STRIP2: variants seen among roughly 807,000 people sequenced by gnomAD.
The protein encoded by STRIP2 is striatin interacting protein 2, also known as striatin-interacting protein 2.
STRIP2 carries 84 observed loss-of-function variants against 107.1 expected under a neutral mutation model. The ratio of observed to expected loss-of-function variants is 0.78; its 90% CI spans 0.66 to 0.94. STRIP2 has a LOEUF of 0.94. STRIP2 is among the 40% of genes least tolerant of loss of function. The pLI is 0.00. For missense variants in STRIP2, 888 were observed against 1,034.2 expected (o/e 0.86, Z 1.94); for synonymous variants, 394 against 400.4 (o/e 0.98, Z 0.19).
chr7:129,456,018 T>C (rs944324190), intron 8 of STRIP2, among the ~76,000 whole-genome samples: 16 of 152,160 alleles, frequency 1.1e-4, no homozygotes, highest in African/African-American at 3.9e-4. Flanking sequence ...GATCCTTCAT[T>C]TTTGGCTCCC....
rs536886771 is a variant in STRIP2, at chr7:129,470,305, A to C, written c.1878-344A>C. ...TTGGGCAGTGTCTGTGGGAGCAGTT[A>C]TATTCACACATACAGTTAAATGCAG... On this transcript the variant is annotated intron_variant, in intron 17 of 20. Transcript: ENST00000249344. 2.2e-3 allele frequency among the ~76,000 whole-genome samples: 328 copies of C among 152,344 alleles called. 2 individuals are homozygous for C. The highest frequency in any genetic ancestry group is 4.0e-3 in the Non-Finnish European group (271 of 68,012).
intron 18 of STRIP2, among the ~76,000 whole-genome samples, chr7:129,476,385 C>T (rs1219648751): frequency 0.014 from 1,803 of 132,414 alleles, 6 homozygotes; most frequent in Non-Finnish European, 0.022. Flanking sequence ...TCAGACGGGG[C>T]GGCTGCCGGG....
chr7:129,449,810 A>G (rs769450521), intron 3 of STRIP2, among the ~76,000 whole-genome samples: 2 of 152,166 alleles, frequency 1.3e-5, no homozygotes, highest in African/African-American at 2.4e-5. Flanking sequence ...TCTGCAGGAG[A>G]TAAGACTCTC....
At chr7:129,456,404 CCTCT>C in intron 8 of STRIP2, 31 bp from the exon 9 acceptor site, 1 of 1,594,518 alleles carries the variant, frequency 6.3e-7, no homozygotes, top group Non-Finnish European at 8.6e-7. Context: ...TCCCTTCCTT[CCTCT>C]CTCTCTGCCC....
rs1388293213 is a variant in STRIP2, at chr7:129,482,984, C to T, written c.2192C>T (p.Thr731Ile). The change falls in exon 20 of 21, where the codon ACC becomes ATC. Residue 731 changes from threonine to isoleucine, a missense_variant. Transcript: ENST00000249344. ...GRQWRKSNMK[T>I]MSAIYQKVRH... ...CAATGGAGGAAAAGCAACATGAAAA[C>T]CATGTCAGCCATTTACCAGAAAGTG... 1 of 1,614,200 alleles carries T rather than the reference C, an allele frequency of 6.2e-7. No homozygotes were observed. Among genetic ancestry groups the T allele is most frequent in the Non-Finnish European group, 8.5e-7 (1 of 1,180,038 alleles).
At position 129,462,950 on chromosome 7, in the gene STRIP2, G is replaced by GT; in HGVS notation, c.1477-15dup. 1 of 1,612,320 alleles carries GT rather than the reference G, an allele frequency of 6.2e-7. No homozygotes were observed. Among genetic ancestry groups the GT allele is most frequent in the Non-Finnish European group, 8.5e-7 (1 of 1,178,732 alleles). ...CTGGAAAGTGGCATTGCCAAACCAT[G>GT]TATTTCTTGCCATAGGGGGAAGAGG... is the stretch of plus-strand genomic sequence containing the variant. On this transcript the variant is annotated splice_polypyrimidine_tract_variant and intron_variant, in intron 13 of 20. Coordinates refer to ENST00000249344, the MANE Select transcript of STRIP2 (RefSeq NM_020704.3).
In STRIP2 at chr7:129,459,561, G is replaced by A. The variant is rs765576478; in HGVS notation, c.1385G>A (p.Ser462Asn). 1 of 1,614,066 alleles carries A rather than the reference G, an allele frequency of 6.2e-7. No homozygotes were observed. The change falls in exon 12 of 21, where the codon AGT (serine) becomes AAT (asparagine). Residue 462 changes from serine (S) to asparagine (N), a missense_variant. Physicochemically the swap from Ser to Asn is conservative, Grantham distance 46. Transcript: ENST00000249344. The part of the protein sequence containing the change: ...LVGLPRPIHE[S>N]VKTLKQHKYI... The stretch of plus-strand genomic sequence containing the variant: ...GGATTACCCAGGCCCATCCATGAGA[G>A]TGTGAAGACCCTAAAGCAGGTGACT...
chr7:129,456,563 C>A lies in STRIP2; in HGVS notation c.959C>A (p.Pro320His). 6.2e-7 allele frequency: 1 copy of A among 1,614,124 alleles called. No homozygotes were observed. Among genetic ancestry groups the A allele is most frequent in the Non-Finnish European group, 8.5e-7 (1 of 1,180,022 alleles). ...VVKSMRAASP[P>H]SYTLDLGESQ... ...AAGAGCATGCGTGCTGCCTCCCCGC[C>A]CTCTTACACTCTTGACCTGGGAGAG... The change falls in exon 9 of 21, where the codon CCC becomes CAC. Residue 320 changes from proline to histidine, a missense_variant. Physicochemically the swap from Pro to His is moderately conservative, Grantham distance 77 (BLOSUM62 -2). Coordinates refer to ENST00000249344, the MANE Select transcript of STRIP2 (RefSeq NM_020704.3).
intron 20 of STRIP2, among the ~76,000 whole-genome samples, chr7:129,485,044 AG>A (rs1275755267): frequency 2.0e-5 from 3 of 152,206 alleles, no homozygotes; most frequent in Non-Finnish European, 4.4e-5. Flanking sequence ...AGGAGATTCC[AG>A]GGAATCAGGA....
intron 17 of STRIP2, among the ~76,000 whole-genome samples, chr7:129,467,899 G>A (rs1158961956): frequency 6.6e-6 from 1 of 152,050 alleles, no homozygotes; most frequent in African/African-American, 2.4e-5. Context: ...ACATCAATTT[G>A]TAGTTTAAAA....
At chr7:129,460,236 T>C (rs1798492860) in intron 12 of STRIP2, 65 bp from the exon 13 acceptor site, 3 of 1,431,272 alleles carry the variant, frequency 2.1e-6, no homozygotes, top group South Asian at 2.6e-5. Flanking sequence ...GGAATTTAAG[T>C]AAGAGACTGG....
At chr7:129,476,303 G>C (rs1292548831) in intron 18 of STRIP2, among the ~76,000 whole-genome samples, 3 of 150,762 alleles carry the variant, frequency 2.0e-5, no homozygotes, top group Non-Finnish European at 4.5e-5. Flanking sequence ...TCCCAGATGC[G>C]GCGGCTGCCG....
intron 2 of STRIP2, among the ~76,000 whole-genome samples, chr7:129,441,625 C>A (rs712694): frequency 1 from 152,016 of 152,316 alleles, 75,859 homozygotes; most frequent in Middle Eastern, 1. Context: ...GAGTGGCACA[C>A]TCTCAGCTCA....
chr7:129,458,538 G>A lies in STRIP2; in HGVS notation c.1274+88G>A, dbSNP rs1248567885. 3.8e-6 allele frequency: 5 copies of A among 1,305,824 alleles called. No homozygotes were observed. The East Asian group carries it at 7.6e-5, about 20-fold the overall frequency. The allele number at this position is 1,305,824 out of a possible 1,614,324, so 80.9% of individuals were successfully genotyped here. A position where few individuals can be genotyped will look rare whatever the true frequency, so the allele number is the denominator to read the frequency against. ...GGGGTAGTCTATGTATTCAAGGCTC[G>A]TTAAGTTGGTCTGGCAGTCAGAACT... On this transcript the variant is annotated intron_variant, in intron 10 of 20. Transcript: ENST00000249344. The surrounding 1 kb of genome is among the most constrained non-coding windows in gnomAD (Gnocchi z 4.6).
In STRIP2 at chr7:129,454,649, C is replaced by T. The variant is rs954430206; in HGVS notation, c.706+122C>T. ...TTGTTTTCTTTTTTAAAATTAATGT[C>T]CTTTCTTTTAGGACACAGATACTGC... is the stretch of plus-strand genomic sequence containing the variant. On this transcript the variant is annotated intron_variant, in intron 7 of 20. Coordinates refer to ENST00000249344, the MANE Select transcript of STRIP2 (RefSeq NM_020704.3). The T allele has an allele frequency of 1.8e-5, 12 of 674,454 alleles. No homozygotes were observed. In the African/African-American group the frequency reaches 1.8e-4, roughly 10 times the overall value. 41.8% of individuals were successfully genotyped at this position (674,454 alleles called of 1,614,324 possible).
At chr7:129,451,081 C>T (rs953162993) in intron 3 of STRIP2, among the ~76,000 whole-genome samples, 4 of 150,360 alleles carry the variant, frequency 2.7e-5, no homozygotes, top group African/African-American at 9.7e-5. Context: ...GGACTACAGG[C>T]GCCCGCCACT....
At chr7:129,485,522 A>C in intron 20 of STRIP2, 57 bp from the exon 21 acceptor site, 1 of 1,581,244 alleles carries the variant, frequency 6.3e-7, no homozygotes, top group Non-Finnish European at 8.7e-7. Flanking sequence ...ATGCTCTGTG[A>C]TAAGAGGAGC....
At chr7:129,449,132 A>C (rs1383964344) in intron 3 of STRIP2, among the ~76,000 whole-genome samples, 1 of 152,224 alleles carries the variant, frequency 6.6e-6, no homozygotes, top group Non-Finnish European at 1.5e-5. Flanking sequence ...CCCAAGCTGC[A>C]ACATTGAACG....
At position 129,484,036 on chromosome 7, in the gene STRIP2, G is replaced by A. The variant is rs560245663; in HGVS notation, c.2254+990G>A. 1.3e-4 allele frequency among the ~76,000 whole-genome samples: 20 copies of A among 152,252 alleles called. No homozygotes were observed. In the South Asian group the frequency reaches 2.5e-3, roughly 19 times the overall value. On this transcript the variant is annotated intron_variant, in intron 20 of 20. Coordinates refer to ENST00000249344, the MANE Select transcript of STRIP2 (RefSeq NM_020704.3). ...GCTGGGATTACAGGTGTAAGCCACCGTGCTTGGCCTCTAAGCAGTCTCCCC... is the reference window on the plus strand; with the variant it reads ...GCTGGGATTACAGGTGTAAGCCACCATGCTTGGCCTCTAAGCAGTCTCCCC...
Sources: gnomAD v4.1 joint callset for allele counts (sites outside exome capture counted in the v4.1 genomes callset) on GRCh38, gnomAD v4.1.1 for gene constraint, Gnocchi (gnomAD v3.1) non-coding constraint, MANE v1.5 for transcripts, NCBI Gene and HGNC (gene_info 2026-07-23, HGNC 2026-07-21) for gene names.